Variants in UCK2 observed in about 807,000 individuals in gnomAD.
UCK2 encodes the protein cytidine monophosphokinase 2.
In UCK2, 6 loss-of-function variants were observed where a neutral mutation model predicts 30.8. The observed-to-expected ratio is 0.19, with a 90% CI of 0.11 to 0.38. The LOEUF is 0.38. UCK2 is among the 10% of genes least tolerant of loss of function. The pLI, the probability that UCK2 is intolerant of heterozygous loss-of-function variation, is 1.00. For missense variants in UCK2, 210 were observed against 339.8 expected (o/e 0.62, Z 3.00); for synonymous variants, 125 against 133.6 (o/e 0.94, Z 0.45).
intron 1 of UCK2, among the ~76,000 whole-genome samples, chr1:165,867,046 TGTTTC>T (rs1655064241): frequency 6.6e-6 from 1 of 152,240 alleles, no homozygotes; most frequent in African/African-American, 2.4e-5. Context: ...CACAATTTTT[TGTTTC>T]TTTTCCAGTG....
intron 1 of UCK2, among the ~76,000 whole-genome samples, chr1:165,862,654 A>T (rs1020327191): frequency 4.6e-5 from 7 of 152,140 alleles, no homozygotes; most frequent in Non-Finnish European, 1.0e-4. Flanking sequence ...GCTGGCTGCA[A>T]CCCAGCCTCC....
chr1:165,892,205 A>T (rs1655789368), intron 3 of UCK2: 1 of 135,546 alleles, frequency 7.4e-6, no homozygotes, highest in Non-Finnish European at 1.6e-5. Context: ...AGAGTGAAAG[A>T]TCAGGATACC....
intron 1 of UCK2, among the ~76,000 whole-genome samples, chr1:165,830,624 A>G (rs1654025032): frequency 6.6e-6 from 1 of 152,144 alleles, no homozygotes; most frequent in Admixed American, 6.5e-5. Flanking sequence ...CACGCCGGCA[A>G]TCTTTATTTT....
intron 1 of UCK2, among the ~76,000 whole-genome samples, chr1:165,868,887 T>C (rs1366516236): frequency 6.6e-6 from 1 of 152,260 alleles, no homozygotes; most frequent in African/African-American, 2.4e-5. Flanking sequence ...TGACCTGTCT[T>C]GGCTTTCGAC....
Position 165,909,201 on chromosome 1 carries a change from CT to C in UCK2, c.*1379del, listed in dbSNP as rs1647772269. On this transcript the variant is annotated 3_prime_UTR_variant, in exon 7 of 7. Coordinates refer to ENST00000367879, the MANE Select transcript of UCK2 (RefSeq NM_012474.5). ...GTGTTTTCTCTGGAAGTACAGATTC[CT>C]GACATTCTGGGTGGAGGGGAGCCCA... is the stretch of plus-strand genomic sequence containing the variant. 1.3e-5 allele frequency: 2 copies of C among 152,006 alleles called. No individual in the cohort carries two copies. The highest frequency in any genetic ancestry group is 4.8e-5 in the African/African-American group (2 of 41,356). 9.4% of individuals were successfully genotyped at this position (152,006 alleles called of 1,614,324 possible). A position where few individuals can be genotyped will look rare whatever the true frequency, so the allele number is the denominator to read the frequency against.
chr1:165,895,693 C>G, intron 3 of UCK2: 1 of 973,684 alleles, frequency 1.0e-6, no homozygotes, highest in Non-Finnish European at 1.2e-6. Context: ...CTTCCCTTCC[C>G]CTTCTGTCCT....
chr1:165,909,401 T>A lies in UCK2; in HGVS notation c.*1578T>A, dbSNP rs1357820311. On this transcript the variant is annotated 3_prime_UTR_variant, in exon 7 of 7. Coordinates refer to ENST00000367879, the MANE Select transcript of UCK2 (RefSeq NM_012474.5). ...CATTTTGGAGAACCTTTTCTTCCCA[T>A]TGCTCTCAGAGCCTGTTCGAGCCAT... 6.6e-6 allele frequency: 1 copy of A among 152,312 alleles called. No homozygotes were observed. Among genetic ancestry groups the A allele is most frequent in the Non-Finnish European group, 1.5e-5 (1 of 68,114 alleles). The allele number at this position is 152,312 out of a possible 1,614,324, so 9.4% of individuals were successfully genotyped here.
intron 1 of UCK2, among the ~76,000 whole-genome samples, chr1:165,860,631 G>A (rs1263678505): frequency 1.3e-5 from 2 of 152,042 alleles, no homozygotes; most frequent in Non-Finnish European, 2.9e-5. Context: ...TGTATTTTTA[G>A]TAGAGACAGA....
intron 1 of UCK2, among the ~76,000 whole-genome samples, chr1:165,883,100 G>A (rs562993006): frequency 2.0e-5 from 3 of 152,184 alleles, no homozygotes; most frequent in Admixed American, 2.0e-4. Context: ...CTGGGATTAC[G>A]GGTGTGAAGC....
At chr1:165,848,657 C>T (rs1157132406) in intron 1 of UCK2, among the ~76,000 whole-genome samples, 2 of 151,090 alleles carry the variant, frequency 1.3e-5, no homozygotes, top group Non-Finnish European at 2.9e-5. Flanking sequence ...CACACACACA[C>T]ACCCACACAC....
chr1:165,832,527 C>T (rs1311440463), intron 1 of UCK2, among the ~76,000 whole-genome samples: 1 of 152,150 alleles, frequency 6.6e-6, no homozygotes, highest in Non-Finnish European at 1.5e-5. Context: ...CATGTGTCTT[C>T]CCTACTGGTA....
rs1157443649 is a variant in UCK2, at chr1:165,896,307, T to C, written c.474T>C (p.Asp158=). 6.2e-7 allele frequency: 1 copy of C among 1,614,056 alleles called. No homozygotes were observed. Among genetic ancestry groups the C allele is most frequent in the Non-Finnish European group, 8.5e-7 (1 of 1,180,044 alleles). The part of the protein sequence containing the change: ...LFQMKLFVDT[D]ADTRLSRRVL... Reference sequence around the variant, plus strand: ...AGATGAAGCTTTTTGTGGATACAGATGCGGACACCCGGCTCTCACGCAGAG... The same window carrying C: ...AGATGAAGCTTTTTGTGGATACAGACGCGGACACCCGGCTCTCACGCAGAG... Residue 158 remains aspartate (D), a synonymous_variant, in exon 4 of 7, where the codon GAT becomes GAC. Transcript: ENST00000367879.
At position 165,867,356 on chromosome 1, in the gene UCK2, G is replaced by A. The variant is rs376961373; in HGVS notation, c.100-22848G>A. The stretch of plus-strand genomic sequence containing the variant: ...TTGATTGACTCTTTCCTTCATGAAA[G>A]ATTTCTCTGTTTTATGTGATGCTGT... On this transcript the variant is annotated intron_variant, in intron 1 of 6. Coordinates refer to ENST00000367879, the MANE Select transcript of UCK2 (RefSeq NM_012474.5). Among the ~76,000 whole-genome samples the A allele has an allele frequency of 6.6e-5, 10 of 152,282 alleles. No homozygotes were observed. In the East Asian group the frequency reaches 1.9e-3, roughly 29 times the overall value.
chr1:165,870,220 T>C (rs1372573656), intron 1 of UCK2, among the ~76,000 whole-genome samples: 11 of 101,912 alleles, frequency 1.1e-4, no homozygotes, highest in African/African-American at 3.7e-4. Flanking sequence ...TTTTTTTTTT[T>C]GCATATGAAT....
intron 1 of UCK2, among the ~76,000 whole-genome samples, chr1:165,872,336 A>G (rs1226229449): frequency 1.3e-5 from 2 of 152,204 alleles, no homozygotes; most frequent in Admixed American, 6.5e-5. Flanking sequence ...TGGCCTCTCA[A>G]AGTGCTGGGA....
At chr1:165,838,610 G>C (rs115298835) in intron 1 of UCK2, among the ~76,000 whole-genome samples, 1 of 152,104 alleles carries the variant, frequency 6.6e-6, no homozygotes, top group Non-Finnish European at 1.5e-5. Flanking sequence ...GGGGGATGTG[G>C]ATAGTTGTCC....
intron 1 of UCK2, among the ~76,000 whole-genome samples, chr1:165,837,831 A>G (rs1363594583): frequency 1.3e-5 from 2 of 152,158 alleles, no homozygotes; most frequent in Non-Finnish European, 2.9e-5. Context: ...TCCAATATTG[A>G]ACTCCTCATC....
intron 1 of UCK2, among the ~76,000 whole-genome samples, chr1:165,881,182 T>TAAAAAAA (rs56886913): frequency 7.5e-5 from 7 of 92,850 alleles, no homozygotes; most frequent in Non-Finnish European, 1.0e-4. Context: ...CAATAAAACT[T>TAAAAAAA]AAAAAAAAAA....
intron 1 of UCK2, among the ~76,000 whole-genome samples, chr1:165,838,229 T>G (rs777334652): frequency 1.3e-5 from 2 of 152,224 alleles, no homozygotes; most frequent in East Asian, 1.9e-4. Context: ...CTTCTTTCTT[T>G]GTGTACACAT....
Sources: allele counts gnomAD v4.1 joint callset (sites outside exome capture counted in the v4.1 genomes callset), GRCh38; gene constraint gnomAD v4.1.1; transcripts MANE v1.5; gene names NCBI Gene and HGNC (gene_info 2026-07-23, HGNC 2026-07-21).